Variants in NAV2 observed in about 807,000 individuals in gnomAD.
NAV2 encodes helicase, APC down-regulated 1.
Under a neutral mutation model 223.2 loss-of-function variants are expected in NAV2, and 54 were observed. The ratio of observed to expected loss-of-function variants is 0.24; its 90% CI spans 0.19 to 0.30. The LOEUF (loss-of-function observed/expected upper bound fraction) is 0.30, where lower values mean the gene tolerates loss of function less well. NAV2 is among the 10% of genes least tolerant of loss of function. NAV2 has a pLI of 1.00. For missense variants in NAV2, 2,806 were observed against 3,147.5 expected, an observed-to-expected ratio of 0.89 and a Z score of 2.60; for synonymous variants, 1,279 against 1,239.3, an observed-to-expected ratio of 1.03 and a Z score of -0.67.
chr11:20,016,527 A>G (rs1413561755), intron 11 of NAV2, among the ~76,000 whole-genome samples: 2 of 152,348 alleles, frequency 1.3e-5, no homozygotes, highest in South Asian at 2.1e-4. Context: ...CTGCAGCTCT[A>G]TAAGATAAAA....
chr11:19,989,300 T>G (rs2051102856), intron 11 of NAV2, among the ~76,000 whole-genome samples: 1 of 152,096 alleles, frequency 6.6e-6, no homozygotes, highest in Admixed American at 6.5e-5. Context: ...AATGATGTCA[T>G]GTAAGAAGGA....
intron 1 of NAV2, among the ~76,000 whole-genome samples, chr11:19,493,990 G>A (rs1473947208): frequency 1.3e-5 from 2 of 152,212 alleles, no homozygotes; most frequent in Admixed American, 1.3e-4. Context: ...CCTCTGGCTG[G>A]ATCTGTAGCT....
At chr11:19,976,904 T>C (rs2049811014) in intron 10 of NAV2, among the ~76,000 whole-genome samples, 1 of 152,178 alleles carries the variant, frequency 6.6e-6, no homozygotes, top group South Asian at 2.1e-4. Flanking sequence ...CAGGAGACTG[T>C]TCCAGGCTTG....
In NAV2 at chr11:19,704,021, T is replaced by TG. The variant is rs112408336; in HGVS notation, c.76-128456dup. 2.4e-4 allele frequency among the ~76,000 whole-genome samples: 34 copies of TG among 142,366 alleles called. No homozygotes were observed. In the South Asian group the frequency reaches 6.6e-3, roughly 27 times the overall value. 93.4% of individuals were successfully genotyped at this position (142,366 alleles called of 152,430 possible). A position where few individuals can be genotyped will look rare whatever the true frequency, so the allele number is the denominator to read the frequency against. On this transcript the variant is annotated intron_variant, in intron 1 of 37. Transcript: ENST00000360655. ...TCAGAATCCTAGGTCTGGTTTTTTT[T>TG]GGGGGGGTGGAAGGGGGTAGGTATC...
At chr11:19,669,928 T>C (rs920150006) in intron 1 of NAV2, among the ~76,000 whole-genome samples, 2 of 152,212 alleles carry the variant, frequency 1.3e-5, no homozygotes, top group Admixed American at 6.5e-5. Flanking sequence ...TTTTCTAAAA[T>C]GTGAATATAA....
chr11:19,825,710 T>A (rs1590751249), intron 1 of NAV2, among the ~76,000 whole-genome samples: 1 of 152,212 alleles, frequency 6.6e-6, no homozygotes, highest in Non-Finnish European at 1.5e-5. Context: ...TTATCCCCTT[T>A]GGTTTAACAT....
At chr11:19,952,489 A>G (rs1010613148) in intron 10 of NAV2, among the ~76,000 whole-genome samples, 1 of 152,232 alleles carries the variant, frequency 6.6e-6, no homozygotes, top group Non-Finnish European at 1.5e-5. Flanking sequence ...CAATGAAATG[A>G]TTAAAGCTTT....
At position 20,114,625 on chromosome 11, in the gene NAV2, G is replaced by A. The variant is rs371850273; in HGVS notation, c.6994G>A (p.Ala2332Thr). The change falls in exon 37 of 38, where the codon GCC (alanine) becomes ACC (threonine). Residue 2332 changes from alanine (A) to threonine (T), a missense_variant. Transcript: ENST00000349880. ...YGRRAPWEDPAKWVMDTYPWA... is the reference protein window; with the variant it reads ...YGRRAPWEDPTKWVMDTYPWA... ...AAGGCGCGCCCCCTGGGAGGATCCT[G>A]CCAAGTGGGTGATGGACACATATCC... The A allele has an allele frequency of 1.2e-5, 20 of 1,614,056 alleles. No homozygotes were observed. Among genetic ancestry groups the A allele is most frequent in the Non-Finnish European group, 1.6e-5 (19 of 1,180,050 alleles).
At chr11:19,914,576 C>A (rs909291252) in intron 6 of NAV2, among the ~76,000 whole-genome samples, 3 of 148,490 alleles carry the variant, frequency 2.0e-5, no homozygotes, top group Non-Finnish European at 4.4e-5. Context: ...CTCGCTCTGT[C>A]GCCCAGGCCG....
At chr11:19,506,624 G>A (rs976503562) in intron 1 of NAV2, 4 of 150,680 alleles carry the variant, frequency 2.7e-5, no homozygotes, top group Non-Finnish European at 4.4e-5. Flanking sequence ...GTAGAGTTAG[G>A]AGTTCTGACT....
chr11:19,392,282 G>T (rs766027496), intron 1 of NAV2, among the ~76,000 whole-genome samples: 2 of 152,096 alleles, frequency 1.3e-5, no homozygotes, highest in Non-Finnish European at 1.5e-5. Context: ...TTTATTTCAG[G>T]CATTTATTGC....
intron 29 of NAV2, among the ~76,000 whole-genome samples, chr11:20,093,810 T>G (rs1270318433): frequency 2.0e-5 from 3 of 152,152 alleles, no homozygotes; most frequent in Non-Finnish European, 4.4e-5. Context: ...GAGACTATTT[T>G]GGGATGGGGG....
intron 1 of NAV2, among the ~76,000 whole-genome samples, chr11:19,826,735 A>G (rs1170243310): frequency 6.6e-6 from 1 of 152,240 alleles, no homozygotes; most frequent in Admixed American, 6.5e-5. Context: ...AGCCTGAGCT[A>G]TGGAGTGATT....
At chr11:19,444,778 C>T (rs2702650) in intron 1 of NAV2, among the ~76,000 whole-genome samples, 101,048 of 151,328 alleles carry the variant, frequency 0.67, 34,076 homozygotes, top group East Asian at 0.82. Context: ...TAAGATCTCC[C>T]CTGAGAGGTC....
At chr11:19,734,987 G>A (rs562532926) in intron 1 of NAV2, among the ~76,000 whole-genome samples, 12 of 152,330 alleles carry the variant, frequency 7.9e-5, no homozygotes, top group Non-Finnish European at 1.5e-4. Flanking sequence ...CCAAGCCTCA[G>A]ATTTGTTTGC....
In NAV2 at chr11:19,467,012, C is replaced by CAG. The variant is rs1291348160; in HGVS notation, c.75+115986_75+115987insGA. ...ACACACACACACACACACACACACACACACACAGAGAGAGAGAGAGAGAGA... is the reference window on the plus strand; with the variant it reads ...ACACACACACACACACACACACACACAGACACACAGAGAGAGAGAGAGAGAGA... On this transcript the variant is annotated intron_variant, in intron 1 of 37. Transcript: ENST00000360655. 3.4e-3 allele frequency among the ~76,000 whole-genome samples: 452 copies of CAG among 134,438 alleles called. 3 individuals are homozygous for CAG. Among genetic ancestry groups the CAG allele is most frequent in the Admixed American group, 7.8e-3 (103 of 13,252 alleles). 88.2% of individuals were successfully genotyped at this position (134,438 alleles called of 152,430 possible).
intron 11 of NAV2, among the ~76,000 whole-genome samples, chr11:20,021,971 G>A (rs2153534573): frequency 6.6e-6 from 1 of 152,280 alleles, no homozygotes; most frequent in Non-Finnish European, 1.5e-5. Context: ...CTCGCTTGGA[G>A]CCAGTTACTG....
intron 18 of NAV2, among the ~76,000 whole-genome samples, chr11:20,055,057 A>T (rs1010713084): frequency 2.6e-5 from 4 of 152,330 alleles, no homozygotes; most frequent in Non-Finnish European, 4.4e-5. Context: ...AGGGTGAGAA[A>T]TCTTTTCTAA....
chr11:19,777,301 G>A (rs2056326739), intron 1 of NAV2, among the ~76,000 whole-genome samples: 2 of 151,630 alleles, frequency 1.3e-5, no homozygotes. Context: ...CCGGGGCGGG[G>A]GCGAGGCGAC....
Sources: allele counts gnomAD v4.1 joint callset (sites outside exome capture counted in the v4.1 genomes callset), GRCh38; gene constraint gnomAD v4.1.1; transcripts MANE v1.5; gene names NCBI Gene and HGNC (gene_info 2026-07-23, HGNC 2026-07-21).